EDN3: variants seen among roughly 807,000 people sequenced by gnomAD.
The protein encoded by EDN3 is endothelin 3, also known as endothelin-3.
A neutral mutation model predicts 21.4 loss-of-function variants in EDN3; 9 were observed. That is an observed-to-expected ratio of 0.42 (90% CI 0.25 to 0.73). EDN3 has a LOEUF of 0.73. EDN3 is among the 30% of genes least tolerant of loss of function. The probability of loss-of-function intolerance (pLI) is 0.26; values close to 1 mark genes in which losing one functional copy is unlikely to be tolerated. For synonymous variants in EDN3, 133 were observed against 126.2 expected, an observed-to-expected ratio of 1.05 and a Z score of -0.36; for missense variants, 327 against 309.4, an observed-to-expected ratio of 1.06 and a Z score of -0.43.
intron 2 of EDN3, among the ~76,000 whole-genome samples, chr20:59,303,014 C>T (rs1989153325): frequency 6.6e-6 from 1 of 152,184 alleles, no homozygotes. Context: ...GGAACATCAC[C>T]CCACCATGCT....
At position 59,300,629 on chromosome 20, in the gene EDN3, C is replaced by T; in HGVS notation, c.-184C>T. 1.6e-6 allele frequency: 1 copy of T among 623,370 alleles called. No individual in the cohort carries two copies. 38.6% of individuals were successfully genotyped at this position (623,370 alleles called of 1,614,324 possible). A position where few individuals can be genotyped will look rare whatever the true frequency, so the allele number is the denominator to read the frequency against. On this transcript the variant is annotated 5_prime_UTR_variant, in exon 1 of 5. Coordinates refer to ENST00000337938, the MANE Select transcript of EDN3 (RefSeq NM_207034.3). ...CAGCTCCGCGCAGGGATGGGCAGCG[C>T]GCTCTGAAAGTTTATGACCGCCGCA...
chr20:59,301,533 C>A lies in EDN3; in HGVS notation c.176C>A (p.Ala59Asp), dbSNP rs1343383366. The A allele has an allele frequency of 6.2e-7, 1 of 1,613,550 alleles. No homozygotes were observed. The highest frequency in any genetic ancestry group is 1.7e-5 in the Admixed American group (1 of 59,996). ...GCTGGCCCTGGCGAGGAGACTGTGG[C>A]TGGCCCTGGCGAGGGGACTGTGGCC... The part of the protein sequence containing the change: ...TVAGPGEETV[A>D]GPGEGTVAPT... Residue 59 changes from alanine (A) to aspartate (D), a missense_variant, in exon 2 of 5, where the codon GCT becomes GAT. Physicochemically the swap from Ala to Asp is moderately radical, Grantham distance 126. Transcript: ENST00000337938.
At chr20:59,320,170 T>C (rs11570335) in intron 2 of EDN3, among the ~76,000 whole-genome samples, 150 of 152,364 alleles carry the variant, frequency 9.8e-4, no homozygotes, top group Admixed American at 3.4e-3. Context: ...CACGCGGCTC[T>C]TCTGAGGCTG....
In EDN3 at chr20:59,321,180, C is replaced by G; in HGVS notation, c.529C>G (p.Leu177Val). 1 of 1,614,244 alleles carries G rather than the reference C, an allele frequency of 6.2e-7. No homozygotes were observed. Residue 177 changes from leucine to valine, a missense_variant, in exon 3 of 5, where the codon CTG becomes GTG. By Grantham distance (32) the Leu-to-Val change is conservative (BLOSUM62 1). Transcript: ENST00000337938. ...KACLHFCTQT[L>V]DVSSNSRTAE... ...CTGCCTGCACTTTTGCACCCAAACT[C>G]TGGACGTCAGCAGGTATGACACCTC...
Position 59,300,873 on chromosome 20 carries a change from A to G in EDN3, c.52+9A>G, listed in dbSNP as rs538617818. On this transcript the variant is annotated intron_variant, in intron 1 of 4. Coordinates refer to ENST00000337938, the MANE Select transcript of EDN3 (RefSeq NM_207034.3). ...AGTGACCTCCGCCGCAGGTAAGCGC[A>G]CGGGGCGGCGCGCCTCTCCTGGCGC... is the stretch of plus-strand genomic sequence containing the variant. 2 of 1,610,160 alleles carry G rather than the reference A, an allele frequency of 1.2e-6. No individual in the cohort carries two copies. Among genetic ancestry groups the G allele is most frequent in the South Asian group, 2.2e-5 (2 of 90,956 alleles).
At chr20:59,317,811 C>G (rs1021764844) in intron 2 of EDN3, among the ~76,000 whole-genome samples, 3 of 152,218 alleles carry the variant, frequency 2.0e-5, no homozygotes, top group African/African-American at 7.2e-5. Flanking sequence ...AGAATGATCT[C>G]ACCATGAATT....
intron 3 of EDN3, among the ~76,000 whole-genome samples, chr20:59,321,933 C>T (rs1468818239): frequency 6.6e-6 from 1 of 152,198 alleles, no homozygotes; most frequent in East Asian, 1.9e-4. Flanking sequence ...TTTTTCTTAA[C>T]TTCGGGCCAA....
intron 2 of EDN3, among the ~76,000 whole-genome samples, chr20:59,320,115 G>A (rs969723494): frequency 6.6e-6 from 1 of 152,146 alleles, no homozygotes. Flanking sequence ...TCCTGCCAAC[G>A]CCAACCATAA....
chr20:59,322,592 T>C lies in EDN3; in HGVS notation c.588+175T>C, dbSNP rs1226613805. The C allele has an allele frequency of 1.1e-6, 1 of 891,874 alleles. No homozygotes were observed. The highest frequency in any genetic ancestry group is 2.0e-5 in the Admixed American group (1 of 49,830). The allele number at this position is 891,874 out of a possible 1,614,324, so 55.2% of individuals were successfully genotyped here. A position where few individuals can be genotyped will look rare whatever the true frequency, so the allele number is the denominator to read the frequency against. ...AATGGTGCCTTTGGTGGACCGTTTCTGGGGGCAGAGCGGGCTGAAGCTGTG... is the reference window on the plus strand; with the variant it reads ...AATGGTGCCTTTGGTGGACCGTTTCCGGGGGCAGAGCGGGCTGAAGCTGTG... On this transcript the variant is annotated intron_variant, in intron 4 of 4. Transcript: ENST00000337938. The surrounding 1 kb of genome is among the most constrained non-coding windows in gnomAD (Gnocchi z 4.1).
intron 4 of EDN3, among the ~76,000 whole-genome samples, chr20:59,323,446 G>A (rs1230952540): frequency 6.6e-6 from 1 of 152,190 alleles, no homozygotes; most frequent in African/African-American, 2.4e-5. Flanking sequence ...GACTTGTTGG[G>A]CACCTGCTAC....
intron 2 of EDN3, among the ~76,000 whole-genome samples, chr20:59,317,830 C>T (rs1029258495): frequency 4.6e-5 from 7 of 152,214 alleles, no homozygotes; most frequent in Non-Finnish European, 8.8e-5. Flanking sequence ...TTACCAGTTG[C>T]TCAATCAATA....
rs1990521138 is a variant in EDN3, at chr20:59,321,206, C to T, written c.542+13C>T. Reference sequence around the variant, plus strand: ...TGGACGTCAGCAGGTATGACACCTCCTCCAGTTTCACTCATTTGCAGATAT... The same window carrying T: ...TGGACGTCAGCAGGTATGACACCTCTTCCAGTTTCACTCATTTGCAGATAT... On this transcript the variant is annotated intron_variant, in intron 3 of 4. Coordinates refer to ENST00000337938, the MANE Select transcript of EDN3 (RefSeq NM_207034.3). 2 of 1,614,112 alleles carry T rather than the reference C, an allele frequency of 1.2e-6. No individual in the cohort carries two copies. Among genetic ancestry groups the T allele is most frequent in the Non-Finnish European group, 1.7e-6 (2 of 1,179,942 alleles).
At position 59,324,598 on chromosome 20, in the gene EDN3, A is replaced by ACCC; in HGVS notation, c.*147_*149dup. The stretch of plus-strand genomic sequence containing the variant: ...ACCCAAAGAGTCCCCACTTAACAAT[A>ACCC]CCCCCCCCCCACGGCAAGAATGCCC... On this transcript the variant is annotated 3_prime_UTR_variant, in exon 5 of 5. Transcript: ENST00000337938. 1.2e-6 allele frequency: 1 copy of ACCC among 867,244 alleles called. No individual in the cohort carries two copies. The highest frequency in any genetic ancestry group is 1.7e-6 in the Non-Finnish European group (1 of 591,340). The allele number at this position is 867,244 out of a possible 1,614,324, so 53.7% of individuals were successfully genotyped here.
chr20:59,317,493 C>G (rs1335301210), intron 2 of EDN3, among the ~76,000 whole-genome samples: 1 of 152,278 alleles, frequency 6.6e-6, no homozygotes, highest in East Asian at 1.9e-4. Context: ...TTTTGTCGAC[C>G]AGGAAGTTGT....
chr20:59,324,324 A>C lies in EDN3; in HGVS notation c.589-7A>C, dbSNP rs1259919795. ...TTTTTTTCTTTTGCCCCCTTTCCCC[A>C]AGACAGGTTGAAGTCAAGGACCAAC... On this transcript the variant is annotated splice_polypyrimidine_tract_variant and splice_region_variant and intron_variant, in intron 4 of 4. Coordinates refer to ENST00000337938, the MANE Select transcript of EDN3 (RefSeq NM_207034.3). The C allele has an allele frequency of 6.2e-7, 1 of 1,613,790 alleles. No individual in the cohort carries two copies.
chr20:59,317,536 G>C (rs1990258579), intron 2 of EDN3, among the ~76,000 whole-genome samples: 1 of 152,168 alleles, frequency 6.6e-6, no homozygotes, highest in Non-Finnish European at 1.5e-5. Context: ...TGTAACATAA[G>C]AGCAGTATTA....
intron 2 of EDN3, among the ~76,000 whole-genome samples, chr20:59,316,394 G>A (rs376417736): frequency 1.8e-3 from 273 of 152,326 alleles, no homozygotes; most frequent in African/African-American, 6.1e-3. Context: ...TTCAGTTGTG[G>A]GGGGTGGAAT....
At chr20:59,323,355 C>T (rs1372646461) in intron 4 of EDN3, among the ~76,000 whole-genome samples, 1 of 152,168 alleles carries the variant, frequency 6.6e-6, no homozygotes, top group Non-Finnish European at 1.5e-5. Context: ...ACCAAAGCTC[C>T]TCTCAGCGAG....
chr20:59,306,252 G>T (rs1221798477), intron 2 of EDN3, among the ~76,000 whole-genome samples: 1 of 152,216 alleles, frequency 6.6e-6, no homozygotes, highest in Non-Finnish European at 1.5e-5. Flanking sequence ...AGGGCAGGAT[G>T]TTGGGAATCA....
Sources: allele counts gnomAD v4.1 joint callset (sites outside exome capture counted in the v4.1 genomes callset), GRCh38; gene constraint gnomAD v4.1.1; non-coding constraint Gnocchi (gnomAD v3.1); transcripts MANE v1.5; gene names NCBI Gene and HGNC (gene_info 2026-07-23, HGNC 2026-07-21).